The following STAB2 variants were observed in gnomAD, a reference collection of about 807,000 sequenced individuals.
The protein encoded by STAB2 is stabilin-2.
A neutral mutation model predicts 338.1 loss-of-function variants in STAB2; 288 were observed. That is an observed-to-expected ratio of 0.85 (90% confidence interval 0.77 to 0.94). STAB2 has a LOEUF of 0.94. STAB2 is among the 40% of genes least tolerant of loss of function. The pLI is 0.00. For synonymous variants in STAB2, 1,202 were observed against 1,193.3 expected, an observed-to-expected ratio of 1.01 and a Z score of -0.15; for missense variants, 3,141 against 3,210.1, an observed-to-expected ratio of 0.98 and a Z score of 0.52.
intron 3 of STAB2, among the ~76,000 whole-genome samples, chr12:103,597,262 C>T (rs920673643): frequency 3.3e-5 from 5 of 152,158 alleles, no homozygotes; most frequent in South Asian, 2.1e-4. Flanking sequence ...TTTACATTTC[C>T]GTAAGGATAA....
At chr12:103,651,306 T>C (rs1873721317) in intron 11 of STAB2, among the ~76,000 whole-genome samples, 1 of 142,484 alleles carries the variant, frequency 7.0e-6, no homozygotes, top group Admixed American at 7.6e-5. Context: ...TTATTTTTCC[T>C]GATCTTGATT....
At chr12:103,679,663 A>T (rs1484571296) in intron 25 of STAB2, among the ~76,000 whole-genome samples, 1 of 152,208 alleles carries the variant, frequency 6.6e-6, no homozygotes, top group East Asian at 1.9e-4. Flanking sequence ...ATAACAGAAA[A>T]CTCAATTACT....
At chr12:103,666,860 T>C (rs1428966496) in intron 19 of STAB2, among the ~76,000 whole-genome samples, 2 of 152,238 alleles carry the variant, frequency 1.3e-5, no homozygotes, top group Non-Finnish European at 2.9e-5. Flanking sequence ...TACACATTTA[T>C]TGAGGATTGA....
At position 103,697,330 on chromosome 12, in the gene STAB2, G is replaced by T. The variant is rs1272971545; in HGVS notation, c.3582+1486G>T. ...CTGTAACAGGCATGTTGCACTCCTG[G>T]GATGGAACTGGAAATCTTCTACCTT... On this transcript the variant is annotated intron_variant, in intron 33 of 68. Transcript: ENST00000388887. Among the ~76,000 whole-genome samples, 3 of 152,302 alleles carry T rather than the reference G, an allele frequency of 2.0e-5. No individual in the cohort carries two copies. In the East Asian group the frequency reaches 5.8e-4, roughly 29 times the overall value.
chr12:103,655,036 T>A (rs1874075000), intron 13 of STAB2, among the ~76,000 whole-genome samples: 1 of 152,214 alleles, frequency 6.6e-6, no homozygotes, highest in Non-Finnish European at 1.5e-5. Flanking sequence ...CTGACCTAGA[T>A]GATGAGGGCC....
chr12:103,746,366 T>C (rs1298001969), intron 57 of STAB2: 7 of 395,508 alleles, frequency 1.8e-5, no homozygotes, highest in Non-Finnish European at 2.3e-5. Context: ...TTTTTTCTCA[T>C]ATAAATCTCA....
chr12:103,746,698 T>G lies in STAB2; in HGVS notation c.6238T>G (p.Cys2080Gly), dbSNP rs1202687394. The G allele has an allele frequency of 6.2e-7, 1 of 1,613,662 alleles. No individual in the cohort carries two copies. Among genetic ancestry groups the G allele is most frequent in the Non-Finnish European group, 8.5e-7 (1 of 1,179,848 alleles). Residue 2080 changes from cysteine to glycine, a missense_variant, in exon 58 of 69, where the codon TGC (cysteine) becomes GGC (glycine). Physicochemically the swap from Cys to Gly is radical, Grantham distance 159. Transcript: ENST00000388887. ...NLDYEGDGIT[C>G]TVVDFCKQDN... Reference sequence around the variant, plus strand: ...GGATTATGAAGGTGACGGAATCACATGCACAGGTAAGCCACCTTTGTGCAC... The same window carrying G: ...GGATTATGAAGGTGACGGAATCACAGGCACAGGTAAGCCACCTTTGTGCAC...
rs139273711 is a variant in STAB2, at chr12:103,717,407, A to G, written c.4612-363A>G. On this transcript the variant is annotated intron_variant, in intron 43 of 68. Coordinates refer to ENST00000388887, the MANE Select transcript of STAB2 (RefSeq NM_017564.10). ...GGGCGCAGATGAGCAAGATATGAGT[A>G]TGAATGAGAGTGGGATATAGTTGGG... is the stretch of plus-strand genomic sequence containing the variant. 3.3e-3 allele frequency among the ~76,000 whole-genome samples: 508 copies of G among 152,308 alleles called. 3 individuals carry two copies. The highest frequency in any genetic ancestry group is 0.012 in the African/African-American group (481 of 41,572).
Position 103,742,466 on chromosome 12 carries a change from G to C in STAB2, c.5943G>C (p.Ser1981=), listed in dbSNP as rs145165542. ...NNRGVCLDQY[S]ATGECKCNTG... ...GGGGTGTCTGCCTTGATCAGTACTC[G>C]GCCACCGGAGAGTGTAAATGCAACA... is the stretch of plus-strand genomic sequence containing the variant. Residue 1981 remains serine (S), a synonymous_variant, in exon 56 of 69, where the codon TCG becomes TCC. Transcript: ENST00000388887. 5 of 1,614,076 alleles carry C rather than the reference G, an allele frequency of 3.1e-6. No homozygotes were observed. The highest frequency in any genetic ancestry group is 4.2e-6 in the Non-Finnish European group (5 of 1,180,026).
chr12:103,716,914 G>A (rs1880361857), intron 43 of STAB2, among the ~76,000 whole-genome samples: 2 of 152,244 alleles, frequency 1.3e-5, no homozygotes, highest in Admixed American at 6.5e-5. Flanking sequence ...AGCTGGTGAT[G>A]TCTTGGGAAA....
rs562477587 is a variant in STAB2 at position 103,678,509 on chromosome 12, C to G, written c.2805+898C>G. 3.9e-5 allele frequency among the ~76,000 whole-genome samples: 6 copies of G among 152,256 alleles called. No individual in the cohort carries two copies. The East Asian group carries it at 1.2e-3, about 29-fold the overall frequency. The stretch of plus-strand genomic sequence containing the variant: ...TCCCTTTCCTTCATGGAGGAATTTA[C>G]CCAGACAAATGGAGATCTGCCCTAT... On this transcript the variant is annotated intron_variant, in intron 25 of 68. Transcript: ENST00000388887.
At chr12:103,622,271 T>TGAATCA (rs1183604686) in intron 5 of STAB2, among the ~76,000 whole-genome samples, 160 bp downstream of exon 5, 1 of 152,242 alleles carries the variant, frequency 6.6e-6, no homozygotes, top group Non-Finnish European at 1.5e-5. Context: ...GAACAATTCA[T>TGAATCA]GAATCAGGCA....
chr12:103,738,088 A>G (rs912497034), intron 53 of STAB2, among the ~76,000 whole-genome samples: 20 of 152,238 alleles, frequency 1.3e-4, no homozygotes, highest in Non-Finnish European at 2.5e-4. Flanking sequence ...TTTCAAACAC[A>G]TCCCTCTATT....
intron 15 of STAB2, among the ~76,000 whole-genome samples, chr12:103,656,368 G>A (rs888114321): frequency 1.3e-5 from 2 of 152,214 alleles, no homozygotes; most frequent in African/African-American, 4.8e-5. Flanking sequence ...AAGGAGGAAA[G>A]GATGTCCCAG....
chr12:103,695,045 T>C (rs186299486), intron 31 of STAB2, among the ~76,000 whole-genome samples: 3 of 152,304 alleles, frequency 2.0e-5, no homozygotes, highest in South Asian at 2.1e-4. Context: ...TATTATTACA[T>C]AGCACAAGCC....
At chr12:103,761,497 C>G (rs1055231941) in intron 66 of STAB2, 87 bp downstream of exon 66, 1 of 1,195,828 alleles carries the variant, frequency 8.4e-7, no homozygotes, top group Admixed American at 1.9e-5. Context: ...AAGCCCTGTC[C>G]TCCTCCCTCT....
At position 103,640,295 on chromosome 12, in the gene STAB2, G is replaced by A. The variant is rs1470370843; in HGVS notation, c.1040+39G>A. On this transcript the variant is annotated intron_variant, in intron 9 of 68. Transcript: ENST00000388887. The stretch of plus-strand genomic sequence containing the variant: ...ATTCCTCCACCAACATTTCCAAGTG[G>A]TGAAAATGGTGTCCAGTCATTGCTG... 2.5e-6 allele frequency: 4 copies of A among 1,590,572 alleles called. No individual in the cohort carries two copies. In the Admixed American group the frequency reaches 5.1e-5, roughly 20 times the overall value.
At chr12:103,759,688 G>A (rs1464364654) in intron 65 of STAB2, among the ~76,000 whole-genome samples, 2 of 152,158 alleles carry the variant, frequency 1.3e-5, no homozygotes, top group African/African-American at 2.4e-5. Flanking sequence ...TGAAAAATCA[G>A]GATGATGGTG....
intron 49 of STAB2, 64 bp downstream of exon 49, chr12:103,730,320 G>T: frequency 2.0e-6 from 3 of 1,528,540 alleles, no homozygotes; most frequent in East Asian, 2.3e-5. Flanking sequence ...TCTCTATTCT[G>T]ATTCGAAGTC....
Sources: gnomAD v4.1 joint callset for allele counts (sites outside exome capture counted in the v4.1 genomes callset) on GRCh38, gnomAD v4.1.1 for gene constraint, MANE v1.5 for transcripts, NCBI Gene and HGNC (gene_info 2026-07-23, HGNC 2026-07-21) for gene names.